Variants in NBAS observed in about 807,000 individuals in gnomAD.
NBAS encodes NAG/BC035112 fusion.
In NBAS, 219 loss-of-function variants were observed where a neutral mutation model predicts 302.5. The ratio of observed to expected loss-of-function variants is 0.72; its 90% confidence interval spans 0.65 to 0.81. The LOEUF (loss-of-function observed/expected upper bound fraction) is 0.81, where lower values mean the gene tolerates loss of function less well. Ranked by LOEUF, NBAS falls within the 30% of genes least tolerant of loss-of-function variation. NBAS has a pLI of 0.00. For synonymous variants in NBAS, 1,118 were observed against 1,021.6 expected (o/e 1.09, Z -1.80); for missense variants, 2,932 against 2,841.6 (o/e 1.03, Z -0.72).
chr2:15,075,230 A>G, the NBAS span, among the ~76,000 whole-genome samples: 1 of 152,212 alleles, frequency 6.6e-6, no homozygotes, highest in East Asian at 1.9e-4. Flanking sequence ...ATGACAATAC[A>G]ACAATGATCT....
intron 48 of NBAS, among the ~76,000 whole-genome samples, chr2:15,198,981 C>G (rs748151696): frequency 1.3e-4 from 19 of 151,826 alleles, no homozygotes; most frequent in Non-Finnish European, 1.8e-4. Context: ...AAAAAATTAG[C>G]CGGGCATTGG....
intron 25 of NBAS, among the ~76,000 whole-genome samples, chr2:15,415,297 T>C (rs1676873079): frequency 6.6e-6 from 1 of 152,256 alleles, no homozygotes; most frequent in African/African-American, 2.4e-5. Context: ...ATTAGTCTTC[T>C]TGGTATTGCC....
Position 15,402,197 on chromosome 2 carries a change from T to C in NBAS, c.3042A>G (p.Leu1014=), listed in dbSNP as rs763779350. 9.9e-6 allele frequency: 16 copies of C among 1,613,526 alleles called. No individual in the cohort carries two copies. The highest frequency in any genetic ancestry group is 1.2e-5 in the Non-Finnish European group (14 of 1,179,676). ...RNDQLCLCYD[L]LECLPERGYG... is the part of the protein sequence containing the mutation. ...ATCCTCTTTCTGGCAGACATTCTAG[T>C]AGGTCATAGCAAAGACAGAGTTGAT... The change falls in exon 26 of 52, where the codon CTA becomes CTG. Residue 1014 remains leucine, a synonymous_variant. Coordinates refer to ENST00000281513, the MANE Select transcript of NBAS (RefSeq NM_015909.4).
chr2:14,907,314 C>T, the NBAS span, among the ~76,000 whole-genome samples: 6 of 152,324 alleles, frequency 3.9e-5, no homozygotes, highest in East Asian at 1.9e-4. Flanking sequence ...GCTCTGGCAA[C>T]GCACTTACTC....
At chr2:15,172,019 T>A (rs1269810326) in intron 51 of NBAS, among the ~76,000 whole-genome samples, 1 of 152,178 alleles carries the variant, frequency 6.6e-6, no homozygotes, top group Admixed American at 6.5e-5. Context: ...AATTAATACA[T>A]CAGGCAAAGT....
the NBAS span, among the ~76,000 whole-genome samples, chr2:14,837,480 G>T: frequency 6.6e-6 from 1 of 151,312 alleles, no homozygotes; most frequent in Non-Finnish European, 1.5e-5. Context: ...TTTTTCTAGA[G>T]AATTTTGTGG....
intron 41 of NBAS, among the ~76,000 whole-genome samples, chr2:15,292,110 G>T (rs912963511): frequency 3.9e-5 from 6 of 152,132 alleles, no homozygotes; most frequent in African/African-American, 1.4e-4. Context: ...AAGTTGCTGG[G>T]ATTACAGGCA....
chr2:14,916,997 C>T, the NBAS span, among the ~76,000 whole-genome samples: 1 of 152,184 alleles, frequency 6.6e-6, no homozygotes, highest in Non-Finnish European at 1.5e-5. Context: ...GGAAAGAAGT[C>T]ATGTGCTGAC....
At chr2:15,489,508 A>C (rs1558384747) in intron 11 of NBAS, among the ~76,000 whole-genome samples, 1 of 152,216 alleles carries the variant, frequency 6.6e-6, no homozygotes, top group Non-Finnish European at 1.5e-5. Flanking sequence ...CTAGAGAAAG[A>C]GTGCAAGAAT....
At position 15,374,692 on chromosome 2, in the gene NBAS, G is replaced by T. The variant is rs763548001; in HGVS notation, c.3619C>A (p.Pro1207Thr). The T allele has an allele frequency of 4.3e-6, 7 of 1,613,756 alleles. No homozygotes were observed. The highest frequency in any genetic ancestry group is 5.9e-6 in the Non-Finnish European group (7 of 1,179,852). ...TCTAGCTCCTCTTGAATGGCAGGGG[G>T]TCTGTCTGTTATCAGTTGTAAGCAG... ...RCCLQLITDR[P>T]PAIQEELDLI... The change falls in exon 31 of 52, where the codon CCC (proline) becomes ACC (threonine). Residue 1207 changes from proline (P) to threonine (T), a missense_variant. Transcript: ENST00000281513.
chr2:15,314,177 A>C (rs999521508), intron 38 of NBAS, among the ~76,000 whole-genome samples: 14 of 152,262 alleles, frequency 9.2e-5, no homozygotes, highest in African/African-American at 3.4e-4. Context: ...AAGATGGTGA[A>C]ACCCCATCTC....
chr2:15,443,927 C>T (rs555465624), intron 21 of NBAS, among the ~76,000 whole-genome samples: 15 of 152,016 alleles, frequency 9.9e-5, no homozygotes, highest in Admixed American at 2.0e-4. Context: ...AATAAAATAC[C>T]TAGGAATCCA....
At chr2:15,014,336 A>G in the NBAS span, among the ~76,000 whole-genome samples, 1 of 152,150 alleles carries the variant, frequency 6.6e-6, no homozygotes, top group Non-Finnish European at 1.5e-5. Context: ...CCAGCTGCAT[A>G]ATATACATTC....
the NBAS span, among the ~76,000 whole-genome samples, chr2:15,116,819 C>A: frequency 6.6e-6 from 1 of 152,084 alleles, no homozygotes; most frequent in Non-Finnish European, 1.5e-5. Flanking sequence ...AAACAGTGAG[C>A]TTTCTTCCTC....
chr2:15,081,702 G>A, the NBAS span, among the ~76,000 whole-genome samples: 11,245 of 152,204 alleles, frequency 0.074, 1,008 homozygotes, highest in African/African-American at 0.2. Context: ...ATGGTCAGGG[G>A]TCTCTCCCTC....
At chr2:15,359,612 T>C (rs73197090) in intron 32 of NBAS, among the ~76,000 whole-genome samples, 2,426 of 152,256 alleles carry the variant, frequency 0.016, 70 homozygotes, top group African/African-American at 0.056. Context: ...ACATAAAATA[T>C]AGGTTTTCGT....
chr2:15,221,896 T>C (rs985266851), intron 47 of NBAS, among the ~76,000 whole-genome samples: 3 of 152,180 alleles, frequency 2.0e-5, no homozygotes, highest in Admixed American at 6.5e-5. Flanking sequence ...TTTAACTCTT[T>C]GACAGCACAG....
chr2:15,024,348 G>T, the NBAS span, among the ~76,000 whole-genome samples: 1 of 151,928 alleles, frequency 6.6e-6, no homozygotes, highest in African/African-American at 2.4e-5. Context: ...TGGTATATAT[G>T]TACCACATTT....
intron 48 of NBAS, among the ~76,000 whole-genome samples, chr2:15,214,115 T>C (rs1666545642): frequency 6.6e-6 from 1 of 152,220 alleles, no homozygotes; most frequent in African/African-American, 2.4e-5. Flanking sequence ...TAATCCTTCA[T>C]CATTAATGGC....
Sources: gnomAD v4.1 joint callset for allele counts (sites outside exome capture counted in the v4.1 genomes callset) on GRCh38, gnomAD v4.1.1 for gene constraint, MANE v1.5 for transcripts, NCBI Gene and HGNC (gene_info 2026-07-23, HGNC 2026-07-21) for gene names.